PCNX1: variants seen among roughly 807,000 people sequenced by gnomAD.
PCNX1 encodes the protein pecanex-like protein 1.
A neutral mutation model predicts 242.2 loss-of-function variants in PCNX1; 78 were observed. The observed-to-expected ratio is 0.32, with a 90% confidence interval of 0.27 to 0.39. The LOEUF is 0.39. PCNX1 is among the 10% of genes least tolerant of loss of function. PCNX1 has a pLI of 1.00. For missense variants in PCNX1, 2,581 were observed against 2,856.5 expected, an observed-to-expected ratio of 0.90 and a Z score of 2.20; for synonymous variants, 1,024 against 1,032.9, an observed-to-expected ratio of 0.99 and a Z score of 0.17.
chr14:70,940,690 G>A (rs1369607669), intron 1 of PCNX1, among the ~76,000 whole-genome samples: 2 of 152,176 alleles, frequency 1.3e-5, no homozygotes, highest in Non-Finnish European at 1.5e-5. Flanking sequence ...CTAGGTTGGG[G>A]AAGTTCTCCT....
intron 30 of PCNX1, 30 bp from the exon 31 acceptor site, chr14:71,101,960 T>TA (rs1293248555): frequency 7.7e-7 from 1 of 1,291,300 alleles, no homozygotes; most frequent in Non-Finnish European, 1.1e-6. Context: ...TATTTTCCTT[T>TA]AAAAATTTAT....
chr14:71,016,603 T>C (rs2059967825), intron 11 of PCNX1, among the ~76,000 whole-genome samples: 1 of 152,088 alleles, frequency 6.6e-6, no homozygotes, highest in South Asian at 2.1e-4. Context: ...TTCCCAAATA[T>C]TTGGAAACTA....
At position 70,981,826 on chromosome 14, in the gene PCNX1, A is replaced by G. The variant is rs539348180; in HGVS notation, c.2311+3178A>G. On this transcript the variant is annotated intron_variant, in intron 6 of 35. Transcript: ENST00000304743. ...TTTAAACTTATTTCCTGTGTGATTC[A>G]ATACTGTTGTTATAGCATATTTTCT... Among the ~76,000 whole-genome samples the G allele has an allele frequency of 2.0e-5, 3 of 152,282 alleles. No homozygotes were observed. In the South Asian group the frequency reaches 6.2e-4, roughly 32 times the overall value.
intron 1 of PCNX1, among the ~76,000 whole-genome samples, chr14:70,935,862 A>C (rs1415477209): frequency 6.6e-6 from 1 of 152,190 alleles, no homozygotes; most frequent in Non-Finnish European, 1.5e-5. Context: ...TAAGTCATTA[A>C]AATTCCTGTC....
intron 26 of PCNX1, among the ~76,000 whole-genome samples, chr14:71,067,380 A>G (rs2061474174): frequency 6.6e-6 from 1 of 152,044 alleles, no homozygotes; most frequent in Non-Finnish European, 1.5e-5. Context: ...TTTTTTTTCT[A>G]GACTTTCTAG....
chr14:70,984,279 A>G (rs920278371), intron 6 of PCNX1, among the ~76,000 whole-genome samples: 1 of 151,502 alleles, frequency 6.6e-6, no homozygotes, highest in Non-Finnish European at 1.5e-5. Context: ...ATTTTTATTA[A>G]TTTAATTGAA....
intron 30 of PCNX1, chr14:71,092,911 C>T (rs976528985): frequency 6.6e-6 from 1 of 152,166 alleles, no homozygotes; most frequent in Non-Finnish European, 1.5e-5. Context: ...CAGGAAGTAC[C>T]TTGCCAGTAA....
chr14:70,949,732 C>T (rs1053196513), intron 2 of PCNX1, among the ~76,000 whole-genome samples: 1 of 152,168 alleles, frequency 6.6e-6, no homozygotes, highest in Non-Finnish European at 1.5e-5. Flanking sequence ...GTAGCATGAC[C>T]TTGGCCTTGC....
rs150327569 is a variant in PCNX1 at position 70,913,651 on chromosome 14, A to G, written c.153+5648A>G. 4.4e-3 allele frequency among the ~76,000 whole-genome samples: 674 copies of G among 152,298 alleles called. 4 individuals are homozygous for G. Among genetic ancestry groups the G allele is most frequent in the Non-Finnish European group, 6.0e-3 (410 of 68,030 alleles). Reference sequence around the variant, plus strand: ...ATCTTTGTCATCTTTAGAATGATATATCTTTTATTAGTGAGGATTACGCTA... The same window carrying G: ...ATCTTTGTCATCTTTAGAATGATATGTCTTTTATTAGTGAGGATTACGCTA... On this transcript the variant is annotated intron_variant, in intron 1 of 35. Coordinates refer to ENST00000304743, the MANE Select transcript of PCNX1 (RefSeq NM_014982.3).
chr14:70,975,114 G>A (rs2058655700), intron 5 of PCNX1, among the ~76,000 whole-genome samples: 1 of 152,072 alleles, frequency 6.6e-6, no homozygotes, highest in African/African-American at 2.4e-5. Context: ...CTTAGATTTA[G>A]TGATTTTCAA....
intron 1 of PCNX1, among the ~76,000 whole-genome samples, chr14:70,929,357 C>G (rs988567815): frequency 6.6e-6 from 1 of 151,822 alleles, no homozygotes; most frequent in Non-Finnish European, 1.5e-5. Flanking sequence ...AAAAGTATCC[C>G]TCAGCCAAGA....
At chr14:71,023,533 G>C (rs1370019677) in intron 13 of PCNX1, among the ~76,000 whole-genome samples, 1 of 151,988 alleles carries the variant, frequency 6.6e-6, no homozygotes, top group Non-Finnish European at 1.5e-5. Context: ...ATGATTATTT[G>C]TGTTTAATAC....
chr14:71,096,646 G>A (rs2062290828), intron 30 of PCNX1, among the ~76,000 whole-genome samples: 1 of 152,086 alleles, frequency 6.6e-6, no homozygotes, highest in Non-Finnish European at 1.5e-5. Context: ...AGGAAAATGT[G>A]AACGCAGTAT....
At chr14:70,949,367 A>G (rs1425110490) in intron 2 of PCNX1, among the ~76,000 whole-genome samples, 1 of 141,254 alleles carries the variant, frequency 7.1e-6, no homozygotes, top group Non-Finnish European at 1.5e-5. Flanking sequence ...ATATACATAT[A>G]TAGACACATA....
chr14:71,044,609 A>T (rs1439777283), intron 19 of PCNX1: 1 of 152,468 alleles, frequency 6.6e-6, no homozygotes, highest in Non-Finnish European at 1.5e-5. Context: ...GCTGGCTGTG[A>T]TGAACAGGTC....
At chr14:70,976,096 T>C (rs570274052) in intron 5 of PCNX1, among the ~76,000 whole-genome samples, 1 of 152,302 alleles carries the variant, frequency 6.6e-6, no homozygotes, top group South Asian at 2.1e-4. Flanking sequence ...AATAATCGTA[T>C]TAGCTTTTTG....
chr14:71,056,271 G>A (rs555349652), intron 25 of PCNX1, among the ~76,000 whole-genome samples: 2 of 152,250 alleles, frequency 1.3e-5, no homozygotes, highest in African/African-American at 2.4e-5. Context: ...GATAAAATTG[G>A]ACTAAGGAGA....
At chr14:71,024,028 C>T (rs950180637) in intron 13 of PCNX1, among the ~76,000 whole-genome samples, 12 of 151,946 alleles carry the variant, frequency 7.9e-5, no homozygotes, top group East Asian at 5.8e-4. Flanking sequence ...TTTATTTTGA[C>T]GTAATTTCAA....
At chr14:70,994,396 G>GATATATATATATATATATATATATAT (rs35068772) in intron 7 of PCNX1, among the ~76,000 whole-genome samples, 215 of 96,844 alleles carry the variant, frequency 2.2e-3, no homozygotes, top group Non-Finnish European at 2.9e-3. Flanking sequence ...ACAGGCTTAA[G>GATATATATATATATATATATATATAT]ATATATATAT....
Sources: gnomAD v4.1 joint callset for allele counts (sites outside exome capture counted in the v4.1 genomes callset) on GRCh38, gnomAD v4.1.1 for gene constraint, MANE v1.5 for transcripts, NCBI Gene and HGNC (gene_info 2026-07-23, HGNC 2026-07-21) for gene names.